The following NT5DC1 variants were observed in gnomAD, a reference collection of about 807,000 sequenced individuals.
NT5DC1 encodes 5'-nucleotidase domain containing 1, also known as 5'-nucleotidase domain-containing protein 1.
NT5DC1 carries 42 observed loss-of-function variants against 59.4 expected under a neutral mutation model. The observed-to-expected ratio is 0.71, with a 90% CI of 0.55 to 0.92. The LOEUF is 0.92. NT5DC1 is among the 40% of genes least tolerant of loss of function. The pLI, the probability that NT5DC1 is intolerant of heterozygous loss-of-function variation, is 0.00. For missense variants in NT5DC1, 501 were observed against 537.1 expected (o/e 0.93, Z 0.66); for synonymous variants, 172 against 188.1 (o/e 0.91, Z 0.70).
At chr6:116,128,550 C>T (rs1779383154) in intron 6 of NT5DC1, among the ~76,000 whole-genome samples, 1 of 152,046 alleles carries the variant, frequency 6.6e-6, no homozygotes, top group South Asian at 2.1e-4. Flanking sequence ...TACTATTAAG[C>T]TTGCCTATTC....
At chr6:116,156,115 C>T (rs4946140) in intron 6 of NT5DC1, among the ~76,000 whole-genome samples, 77,552 of 151,894 alleles carry the variant, frequency 0.51, 20,907 homozygotes, top group African/African-American at 0.69. Flanking sequence ...GTCAATAATA[C>T]ATATTTTCTT....
intron 4 of NT5DC1, among the ~76,000 whole-genome samples, chr6:116,113,280 C>T (rs1401495142): frequency 1.3e-5 from 2 of 152,164 alleles, no homozygotes; most frequent in African/African-American, 4.8e-5. Flanking sequence ...AAGTGAGAAC[C>T]TTTGTTAACA....
At chr6:116,222,676 G>A (rs1443206240) in intron 7 of NT5DC1, among the ~76,000 whole-genome samples, 1 of 152,136 alleles carries the variant, frequency 6.6e-6, no homozygotes, top group Non-Finnish European at 1.5e-5. Flanking sequence ...AGCTAACAAA[G>A]CCAGCCAATT....
intron 6 of NT5DC1, among the ~76,000 whole-genome samples, chr6:116,180,809 A>T (rs1780857161): frequency 6.6e-6 from 1 of 152,006 alleles, no homozygotes; most frequent in South Asian, 2.1e-4. Flanking sequence ...ATGAAGGAGA[A>T]CTGTAGGTTA....
rs1361053014 is a variant in NT5DC1 at position 116,246,078 on chromosome 6, T to C, written c.*2054T>C. ...ATTCTTTGTAAAGAGTGCCAATGGA[T>C]ATGAAGATTAAAAATAATCCAAATC... On this transcript the variant is annotated 3_prime_UTR_variant, in exon 12 of 12. Transcript: ENST00000319550. The C allele has an allele frequency of 6.6e-6, 1 of 152,120 alleles. No individual in the cohort carries two copies. Among genetic ancestry groups the C allele is most frequent in the African/African-American group, 2.4e-5 (1 of 41,422 alleles). The allele number at this position is 152,120 out of a possible 1,614,324, so 9.4% of individuals were successfully genotyped here. A position where few individuals can be genotyped will look rare whatever the true frequency, so the allele number is the denominator to read the frequency against.
intron 4 of NT5DC1, among the ~76,000 whole-genome samples, chr6:116,115,347 G>C (rs1778944655): frequency 6.6e-6 from 1 of 152,170 alleles, no homozygotes; most frequent in Admixed American, 6.5e-5. Context: ...TAAATTGATT[G>C]TTTTGAAATT....
chr6:116,221,919 A>G (rs779848226), intron 7 of NT5DC1, among the ~76,000 whole-genome samples: 1 of 152,050 alleles, frequency 6.6e-6, no homozygotes, highest in Non-Finnish European at 1.5e-5. Flanking sequence ...TTCTTGTGGG[A>G]AATACCAGGA....
chr6:116,115,819 A>G (rs1284518085), intron 5 of NT5DC1, 49 bp downstream of exon 5: 6 of 907,962 alleles, frequency 6.6e-6, no homozygotes, highest in Admixed American at 5.4e-5. Flanking sequence ...TCAGTCATAA[A>G]TTGGAGGACC....
At position 116,120,312 on chromosome 6, in the gene NT5DC1, G is replaced by A. The variant is rs1360659425; in HGVS notation, c.529+2367G>A. 2.5e-6 allele frequency: 4 copies of A among 1,614,132 alleles called. No homozygotes were observed. The African/African-American group carries it at 5.3e-5, about 22-fold the overall frequency. On this transcript the variant is annotated intron_variant, in intron 6 of 11. Coordinates refer to ENST00000319550, the MANE Select transcript of NT5DC1 (RefSeq NM_152729.3). ...ACATGAGTCCCTTTCACATGCACGTGGTATGAAAAATAGTATATTCCTGGT... is the reference window on the plus strand; with the variant it reads ...ACATGAGTCCCTTTCACATGCACGTAGTATGAAAAATAGTATATTCCTGGT...
At chr6:116,111,603 G>T (rs1417935194) in intron 4 of NT5DC1, among the ~76,000 whole-genome samples, 4 of 152,008 alleles carry the variant, frequency 2.6e-5, no homozygotes, top group Admixed American at 2.0e-4. Context: ...TGACCATTTT[G>T]CAGTTTTCTC....
At chr6:116,145,886 G>T (rs1779886495) in intron 6 of NT5DC1, among the ~76,000 whole-genome samples, 1 of 152,140 alleles carries the variant, frequency 6.6e-6, no homozygotes, top group Admixed American at 6.5e-5. Context: ...TTTATGTGAT[G>T]GTATTTGAGA....
chr6:116,163,553 A>G (rs764266468), intron 6 of NT5DC1, among the ~76,000 whole-genome samples: 11 of 151,260 alleles, frequency 7.3e-5, no homozygotes, highest in Non-Finnish European at 1.3e-4. Flanking sequence ...ATTTTTGTTT[A>G]TCTTCTTAAA....
chr6:116,127,710 A>G (rs926060642), intron 6 of NT5DC1, among the ~76,000 whole-genome samples: 1 of 152,124 alleles, frequency 6.6e-6, no homozygotes, highest in Admixed American at 6.5e-5. Context: ...ATTAAAATAT[A>G]TATTTTAATA....
chr6:116,156,440 A>C (rs1163523411), intron 6 of NT5DC1, among the ~76,000 whole-genome samples: 1 of 152,174 alleles, frequency 6.6e-6, no homozygotes, highest in East Asian at 1.9e-4. Context: ...GCTTTCACTT[A>C]GCTTATTATA....
chr6:116,205,253 G>A (rs1781427711), intron 6 of NT5DC1, among the ~76,000 whole-genome samples: 1 of 151,890 alleles, frequency 6.6e-6, no homozygotes, highest in Non-Finnish European at 1.5e-5. Context: ...AGCTGGGCTG[G>A]ACAAGCTTGG....
chr6:116,201,419 G>A (rs893854630), intron 6 of NT5DC1, among the ~76,000 whole-genome samples: 2 of 151,958 alleles, frequency 1.3e-5, no homozygotes, highest in Admixed American at 1.3e-4. Flanking sequence ...AATCACTCCA[G>A]TATATAGAGT....
chr6:116,237,052 C>T lies in NT5DC1; in HGVS notation c.889C>T (p.Leu297=), dbSNP rs145868130. 3.7e-6 allele frequency: 6 copies of T among 1,612,988 alleles called. No individual in the cohort carries two copies. The highest frequency in any genetic ancestry group is 4.5e-5 in the East Asian group (2 of 44,876). ...QGNAVHLYEL[L]KKMTGKPEPK... is the part of the protein sequence containing the mutation. Reference sequence around the variant, plus strand: ...GAACGCTGTCCACCTCTATGAACTTCTGAAGAAAATGACTGGCAAACCTGA... The same window carrying T: ...GAACGCTGTCCACCTCTATGAACTTTTGAAGAAAATGACTGGCAAACCTGA... The change falls in exon 9 of 12, where the codon CTG becomes TTG. Residue 297 remains leucine, a synonymous_variant. Coordinates refer to ENST00000319550, the MANE Select transcript of NT5DC1 (RefSeq NM_152729.3).
chr6:116,135,834 GATATATAT>G (rs199827970), intron 6 of NT5DC1, among the ~76,000 whole-genome samples: 2,053 of 102,348 alleles, frequency 0.02, 44 homozygotes, highest in Middle Eastern at 0.034. Flanking sequence ...TATATTTTCA[GATATATAT>G]ATATATATAT....
chr6:116,175,881 C>T (rs1486064357), intron 6 of NT5DC1, among the ~76,000 whole-genome samples: 2 of 151,976 alleles, frequency 1.3e-5, no homozygotes, highest in East Asian at 3.9e-4. Context: ...TCTGATAATT[C>T]CAATGTATGA....
Sources: gnomAD v4.1 joint callset for allele counts (sites outside exome capture counted in the v4.1 genomes callset) on GRCh38, gnomAD v4.1.1 for gene constraint, MANE v1.5 for transcripts, NCBI Gene and HGNC (gene_info 2026-07-23, HGNC 2026-07-21) for gene names.